Variants in CNGB3 observed in about 807,000 individuals in gnomAD.
CNGB3 encodes the protein cyclic nucleotide gated channel subunit beta 3.
CNGB3 carries 86 observed loss-of-function variants against 92.8 expected under a neutral mutation model. The observed-to-expected ratio is 0.93, with a 90% confidence interval of 0.78 to 1.11. CNGB3 has a LOEUF of 1.11. Ranked by LOEUF, CNGB3 falls within the 50% of genes least tolerant of loss-of-function variation. The pLI is 0.00. For missense variants in CNGB3, 1,026 were observed against 956.8 expected (o/e 1.07, Z -0.95); for synonymous variants, 333 against 332.7 (o/e 1.00, Z -0.01).
At chr8:86,711,414 T>C (rs774141110) in intron 3 of CNGB3, among the ~76,000 whole-genome samples, 5 of 152,150 alleles carry the variant, frequency 3.3e-5, no homozygotes, top group Non-Finnish European at 5.9e-5. Flanking sequence ...AGAAGACCCA[T>C]TTTTTGAAAG....
chr8:86,608,545 C>T (rs1822455236), intron 14 of CNGB3, among the ~76,000 whole-genome samples: 1 of 152,214 alleles, frequency 6.6e-6, no homozygotes, highest in African/African-American at 2.4e-5. Context: ...GGCTCACCCG[C>T]AGTTATCCGG....
At chr8:86,590,771 C>T (rs1822013119) in intron 15 of CNGB3, among the ~76,000 whole-genome samples, 1 of 144,768 alleles carries the variant, frequency 6.9e-6, no homozygotes, top group Admixed American at 7.0e-5. Flanking sequence ...CTGCCCTTAA[C>T]ATTTTCTCCT....
At chr8:86,677,221 G>A (rs1161295927) in intron 3 of CNGB3, among the ~76,000 whole-genome samples, 1 of 152,168 alleles carries the variant, frequency 6.6e-6, no homozygotes, top group African/African-American at 2.4e-5. Context: ...AATATCTGTT[G>A]TTTTAAGCCA....
intron 13 of CNGB3, among the ~76,000 whole-genome samples, chr8:86,619,884 G>T (rs2131575419): frequency 6.6e-6 from 1 of 151,622 alleles, no homozygotes; most frequent in East Asian, 1.9e-4. Context: ...CAGGCACCTG[G>T]CTAAATTTTC....
chr8:86,718,449 C>A (rs1309217229), intron 3 of CNGB3, among the ~76,000 whole-genome samples: 1 of 151,986 alleles, frequency 6.6e-6, no homozygotes, highest in Non-Finnish European at 1.5e-5. Flanking sequence ...AAATATACAA[C>A]CCTCCTAGAT....
At chr8:86,646,104 C>A (rs1563738940) in intron 8 of CNGB3, among the ~76,000 whole-genome samples, 1 of 150,878 alleles carries the variant, frequency 6.6e-6, no homozygotes, top group African/African-American at 2.4e-5. Flanking sequence ...TATCATAATG[C>A]CAGATAAACT....
At chr8:86,735,732 C>G (rs1825239818) in intron 2 of CNGB3, among the ~76,000 whole-genome samples, 1 of 152,174 alleles carries the variant, frequency 6.6e-6, no homozygotes, top group Non-Finnish European at 1.5e-5. Context: ...CCTGAATAAT[C>G]TGGGATAATC....
At chr8:86,621,970 C>T (rs144257607) in intron 13 of CNGB3, among the ~76,000 whole-genome samples, 2,099 of 152,128 alleles carry the variant, frequency 0.014, 48 homozygotes, top group African/African-American at 0.046. Context: ...CGCTTGAACC[C>T]GGGAGGCACA....
chr8:86,708,946 G>C (rs746626439), intron 3 of CNGB3, among the ~76,000 whole-genome samples: 1 of 152,136 alleles, frequency 6.6e-6, no homozygotes, highest in African/African-American at 2.4e-5. Flanking sequence ...TAACTGTTTC[G>C]AATAAATTTG....
intron 13 of CNGB3, among the ~76,000 whole-genome samples, chr8:86,620,342 G>T (rs957080728): frequency 2.6e-5 from 4 of 152,098 alleles, no homozygotes; most frequent in Non-Finnish European, 5.9e-5. Context: ...TAAGATCAAG[G>T]CATCAGCAGG....
chr8:86,698,169 C>A (rs1195194349), intron 3 of CNGB3, among the ~76,000 whole-genome samples: 1 of 152,042 alleles, frequency 6.6e-6, no homozygotes, highest in Non-Finnish European at 1.5e-5. Context: ...ATATCATATC[C>A]CTCTTTGAAA....
intron 6 of CNGB3, among the ~76,000 whole-genome samples, chr8:86,662,962 G>A (rs1032372460): frequency 6.6e-6 from 1 of 152,168 alleles, no homozygotes; most frequent in Non-Finnish European, 1.5e-5. Flanking sequence ...CAATAAAAGG[G>A]TAAGTTTAGT....
At position 86,651,995 on chromosome 8, in the gene CNGB3, G is replaced by A. The variant is rs141506418; in HGVS notation, c.903+2017C>T. Among the ~76,000 whole-genome samples the A allele has an allele frequency of 9.2e-3, 1,393 of 151,980 alleles. 19 individuals carry two copies. The highest frequency in any genetic ancestry group is 0.032 in the African/African-American group (1,316 of 41,498). The stretch of plus-strand genomic sequence containing the variant: ...CCTAGATGTATTGCCTACTACACAC[G>A]TAGGTGGTATGGTATAGACATACAA... On this transcript the variant is annotated intron_variant, in intron 7 of 17. Transcript: ENST00000320005.
At chr8:86,687,560 T>A (rs1824213640) in intron 3 of CNGB3, among the ~76,000 whole-genome samples, 1 of 152,044 alleles carries the variant, frequency 6.6e-6, no homozygotes, top group African/African-American at 2.4e-5. Flanking sequence ...AACTGTTCAA[T>A]GTGTAAAAGA....
At chr8:86,631,496 GT>G (rs1822960413) in intron 11 of CNGB3, among the ~76,000 whole-genome samples, 2 of 152,042 alleles carry the variant, frequency 1.3e-5, no homozygotes, top group South Asian at 4.2e-4. Flanking sequence ...TTAAACTGGA[GT>G]TTTCTCATTC....
chr8:86,680,816 G>A (rs1824068628), intron 3 of CNGB3, among the ~76,000 whole-genome samples: 1 of 152,074 alleles, frequency 6.6e-6, no homozygotes, highest in African/African-American at 2.4e-5. Context: ...GTGAGAGGAG[G>A]TTGTGGGACT....
intron 2 of CNGB3, among the ~76,000 whole-genome samples, 157 bp downstream of exon 2, chr8:86,739,498 T>A (rs954723479): frequency 6.6e-5 from 10 of 152,222 alleles, no homozygotes; most frequent in African/African-American, 2.4e-4. Flanking sequence ...AATGAGGATA[T>A]AAAGTTTTTG....
intron 3 of CNGB3, among the ~76,000 whole-genome samples, chr8:86,719,822 G>A (rs1413407001): frequency 1.3e-5 from 2 of 152,142 alleles, no homozygotes; most frequent in Non-Finnish European, 2.9e-5. Flanking sequence ...GAACTGAATA[G>A]AGAACCCAGA....
At chr8:86,602,788 G>C (rs1822333252) in intron 15 of CNGB3, among the ~76,000 whole-genome samples, 1 of 152,124 alleles carries the variant, frequency 6.6e-6, no homozygotes, top group Admixed American at 6.6e-5. Flanking sequence ...CATAGCTGTT[G>C]AAGTCGTCTT....
Sources: allele counts gnomAD v4.1 joint callset (sites outside exome capture counted in the v4.1 genomes callset), GRCh38; gene constraint gnomAD v4.1.1; transcripts MANE v1.5; gene names NCBI Gene and HGNC (gene_info 2026-07-23, HGNC 2026-07-21).